Variants in RAVER2 observed in about 807,000 individuals in gnomAD.
RAVER2 encodes the protein ribonucleoprotein PTB-binding 2.
Under a neutral mutation model 78.1 loss-of-function variants are expected in RAVER2, and 46 were observed. The observed-to-expected ratio is 0.59, with a 90% CI of 0.46 to 0.75. The LOEUF is 0.75. Ranked by LOEUF, RAVER2 falls within the 30% of genes least tolerant of loss-of-function variation. RAVER2 has a pLI of 0.00. For synonymous variants in RAVER2, 311 were observed against 313.3 expected (o/e 0.99, Z 0.08); for missense variants, 793 against 837.5 (o/e 0.95, Z 0.66).
Position 64,781,403 on chromosome 1 carries a change from C to A in RAVER2, c.810C>A (p.Tyr270Ter). ...AGCTTGCACAGGATGAAGGTAGTTA[C>A]GTTGGTGGCTTTGCAGTGGTTGAAT... Residue 270 changes from tyrosine to a stop codon, truncating the protein, a stop_gained, in exon 4 of 12, where the codon TAC (tyrosine) becomes TAA (stop). Coordinates refer to ENST00000294428, the Ensembl canonical transcript of RAVER2. LOFTEE classifies it high-confidence loss of function. The A allele has an allele frequency of 6.2e-7, 1 of 1,610,168 alleles. No individual in the cohort carries two copies.
chr1:64,816,500 A>G (rs1232376991), intron 11 of RAVER2: 1 of 152,254 alleles, frequency 6.6e-6, no homozygotes, highest in African/African-American at 2.4e-5. Context: ...AACTAATGGA[A>G]TACTAAAATA....
chr1:64,751,582 G>C (rs1002452664), intron 1 of RAVER2, among the ~76,000 whole-genome samples: 2 of 151,944 alleles, frequency 1.3e-5, no homozygotes, highest in Non-Finnish European at 2.9e-5. Context: ...AAAAGTTTTT[G>C]TTTTTCATTT....
chr1:64,785,705 A>C (rs1172334375), intron 4 of RAVER2, among the ~76,000 whole-genome samples: 2 of 152,044 alleles, frequency 1.3e-5, no homozygotes, highest in African/African-American at 4.8e-5. Context: ...TAGGTTTATC[A>C]GAACTTCTGT....
chr1:64,770,568 A>T (rs1378551578), intron 2 of RAVER2, among the ~76,000 whole-genome samples: 1 of 152,088 alleles, frequency 6.6e-6, no homozygotes, highest in Non-Finnish European at 1.5e-5. Context: ...AGTAGCAGAC[A>T]TGATGAAGAA....
chr1:64,812,781 A>G (rs373827831), exon 10 of RAVER2: 21 of 1,612,418 alleles, frequency 1.3e-5, no homozygotes, highest in Middle Eastern at 1.6e-4. Context: ...GAACCACCAA[A>G]AGAAATTCGG....
At chr1:64,771,539 C>A (rs1409202874) in intron 2 of RAVER2, among the ~76,000 whole-genome samples, 2 of 151,948 alleles carry the variant, frequency 1.3e-5, no homozygotes, top group Non-Finnish European at 1.5e-5. Context: ...ATATTGAAAT[C>A]TTTTAAAAGT....
exon 12 of RAVER2, chr1:64,832,759 A>G (rs190796101): frequency 6.6e-6 from 1 of 152,328 alleles, no homozygotes; most frequent in East Asian, 1.9e-4. Context: ...AACTGATAAG[A>G]ATTAGGCATC....
intron 5 of RAVER2, among the ~76,000 whole-genome samples, chr1:64,790,725 C>G (rs1272849660): frequency 6.6e-6 from 1 of 152,174 alleles, no homozygotes; most frequent in Non-Finnish European, 1.5e-5. Context: ...GAACATATCG[C>G]TCGCTGATAA....
chr1:64,794,557 G>A (rs1653042765), intron 5 of RAVER2, among the ~76,000 whole-genome samples: 2 of 152,094 alleles, frequency 1.3e-5, no homozygotes, highest in Admixed American at 6.5e-5. Flanking sequence ...GATGTATAGT[G>A]CTCTCTTACT....
At chr1:64,773,955 G>A (rs1252144561) in intron 2 of RAVER2, among the ~76,000 whole-genome samples, 1 of 152,164 alleles carries the variant, frequency 6.6e-6, no homozygotes, top group African/African-American at 2.4e-5. Context: ...TTTTTCATGT[G>A]TCTGTTGGCT....
intron 1 of RAVER2, among the ~76,000 whole-genome samples, chr1:64,765,395 A>G (rs1652148078): frequency 6.6e-6 from 1 of 152,242 alleles, no homozygotes; most frequent in African/African-American, 2.4e-5. Flanking sequence ...CATAAATTAT[A>G]CTATAGTCAC....
At chr1:64,820,920 C>T (rs986290611) in intron 11 of RAVER2, among the ~76,000 whole-genome samples, 2 of 152,016 alleles carry the variant, frequency 1.3e-5, no homozygotes, top group Non-Finnish European at 2.9e-5. Flanking sequence ...GGGTATATAC[C>T]CAGTAATGGG....
chr1:64,833,179 GT>G (rs894492972), exon 12 of RAVER2: 1 of 192,616 alleles, frequency 5.2e-6, no homozygotes, highest in African/African-American at 2.3e-5. Context: ...TAAGCAAATT[GT>G]TTGAAATGCT....
intron 1 of RAVER2, among the ~76,000 whole-genome samples, chr1:64,756,967 CA>C (rs1160765409): frequency 4.6e-5 from 7 of 152,174 alleles, no homozygotes; most frequent in East Asian, 3.8e-4. Context: ...GACATCATAT[CA>C]GGGGGTACAT....
intron 1 of RAVER2, 21 bp from the exon 2 acceptor site, chr1:64,768,635 T>G: frequency 6.9e-7 from 1 of 1,445,528 alleles, no homozygotes; most frequent in Non-Finnish European, 9.7e-7. Context: ...TTTACTGAAT[T>G]CGTGTTTTTT....
intron 4 of RAVER2, among the ~76,000 whole-genome samples, chr1:64,781,796 G>A (rs113557450): frequency 6.6e-6 from 1 of 152,094 alleles, no homozygotes; most frequent in Non-Finnish European, 1.5e-5. Context: ...TTAGTAAAGT[G>A]TATTTATCTT....
intron 2 of RAVER2, among the ~76,000 whole-genome samples, chr1:64,772,098 T>C (rs928137637): frequency 6.6e-6 from 1 of 152,144 alleles, no homozygotes; most frequent in Non-Finnish European, 1.5e-5. Context: ...AAAATGGTAA[T>C]GTAATTAATC....
intron 4 of RAVER2, among the ~76,000 whole-genome samples, chr1:64,784,868 C>T (rs2100843057): frequency 6.6e-6 from 1 of 152,290 alleles, no homozygotes; most frequent in Non-Finnish European, 1.5e-5. Flanking sequence ...TCTCTCAAAT[C>T]CTTGGGACCT....
chr1:64,754,398 T>C (rs548396549), intron 1 of RAVER2, among the ~76,000 whole-genome samples: 3 of 152,186 alleles, frequency 2.0e-5, no homozygotes, highest in Non-Finnish European at 4.4e-5. Context: ...AACTGACACA[T>C]TGTTTGAAGA....
Sources: allele counts gnomAD v4.1 joint callset (sites outside exome capture counted in the v4.1 genomes callset), GRCh38; gene constraint gnomAD v4.1.1; transcripts MANE v1.5; gene names NCBI Gene and HGNC (gene_info 2026-07-23, HGNC 2026-07-21).